CCL25: variants seen among roughly 807,000 people sequenced by gnomAD.
CCL25 encodes the protein C-C motif chemokine 25.
CCL25 carries 14 observed loss-of-function variants against 19.9 expected under a neutral mutation model. The observed-to-expected ratio is 0.70, with a 90% CI of 0.47 to 1.10. The LOEUF (loss-of-function observed/expected upper bound fraction) is 1.10, where lower values mean the gene tolerates loss of function less well. Ranked by LOEUF, CCL25 falls within the 50% of genes least tolerant of loss-of-function variation. CCL25 has a pLI of 0.00. For missense variants in CCL25, 151 were observed against 181.2 expected (o/e 0.83, Z 0.96); for synonymous variants, 68 against 73.2 (o/e 0.93, Z 0.36).
chr19:8,057,112 C>T (rs1383557101), intron 4 of CCL25, among the ~76,000 whole-genome samples: 1 of 151,282 alleles, frequency 6.6e-6, no homozygotes, highest in East Asian at 1.9e-4. Context: ...CCTCTGCCTC[C>T]TGAATTCAAG....
At chr19:8,059,176 A>T (rs1313432333) in intron 5 of CCL25, among the ~76,000 whole-genome samples, 1 of 117,452 alleles carries the variant, frequency 8.5e-6, no homozygotes, top group Admixed American at 1.2e-4. Flanking sequence ...TAATATATAT[A>T]ATATATAAAT....
At chr19:8,053,174 A>G (rs1342070057) in intron 2 of CCL25, 52 bp downstream of exon 2, 2 of 1,148,290 alleles carry the variant, frequency 1.7e-6, no homozygotes, top group Non-Finnish European at 2.4e-6. Context: ...CCATGCCCCC[A>G]CCCCACCCCT....
At chr19:8,052,629 C>T (rs1044816272), upstream of CCL25, 1 of 161,340 alleles carries the variant, frequency 6.2e-6, no homozygotes, top group Non-Finnish European at 1.3e-5. Context: ...GAGGTTGGAG[C>T]TTGCTGTAGA....
Position 8,062,280 on chromosome 19 carries a change from A to G in CCL25, c.*55A>G. 2 of 1,607,206 alleles carry G rather than the reference A, an allele frequency of 1.2e-6. No individual in the cohort carries two copies. The highest frequency in any genetic ancestry group is 1.1e-5 in the South Asian group (1 of 90,898). On this transcript the variant is annotated 3_prime_UTR_variant, in exon 6 of 6. Transcript: ENST00000315626. The stretch of plus-strand genomic sequence containing the variant: ...AGGAGGGGCCGGATCTTTCTCCGAT[A>G]AAACCGTCGCCCTACAGACCCAGCT...
rs1048714635 is a variant in CCL25 at position 8,059,067 on chromosome 19, TA to T, written c.445+1149del. ...CATATATGTAATATATAAATATATA[TA>T]ATATATAATATATATAATATATATA... On this transcript the variant is annotated intron_variant, in intron 5 of 5. Transcript: ENST00000315626. Among the ~76,000 whole-genome samples the T allele has an allele frequency of 9.3e-3, 465 of 49,948 alleles. 6 individuals are homozygous for T. The highest frequency in any genetic ancestry group is 0.024 in the African/African-American group (436 of 18,014). The allele number at this position is 49,948 out of a possible 152,430, so 32.8% of individuals were successfully genotyped here. A position where few individuals can be genotyped will look rare whatever the true frequency, so the allele number is the denominator to read the frequency against.
At chr19:8,056,302 G>GGGGGGGGGGGGGGGGGGGGCC in intron 3 of CCL25, 33 bp downstream of exon 3, 1 of 593,402 alleles carries the variant, frequency 1.7e-6, no homozygotes, top group East Asian at 4.5e-5. Flanking sequence ...GGGGGGTGGG[G>GGGGGGGGGGGGGGGGGGGGCC]TGCACACACA....
At chr19:8,056,531 G>T (rs764627965) in intron 4 of CCL25, 32 bp downstream of exon 4, 1 of 1,612,500 alleles carries the variant, frequency 6.2e-7, no homozygotes, top group South Asian at 1.1e-5. Flanking sequence ...CATCTAGGGG[G>T]CCTGCCCTCC....
intron 2 of CCL25, 33 bp from the exon 3 acceptor site, chr19:8,056,119 G>C: frequency 7.1e-7 from 1 of 1,409,254 alleles, no homozygotes. Context: ...AACATGCAAG[G>C]GTGCGAGTAT....
chr19:8,057,704 G>C, intron 4 of CCL25, 97 bp from the exon 5 acceptor site: 1 of 1,459,356 alleles, frequency 6.9e-7, no homozygotes, highest in Non-Finnish European at 9.1e-7. Flanking sequence ...AGACTCATTG[G>C]CTTAAATAAC....
chr19:8,053,950 A>G (rs1336355725), intron 2 of CCL25, among the ~76,000 whole-genome samples: 1 of 152,162 alleles, frequency 6.6e-6, no homozygotes, highest in Non-Finnish European at 1.5e-5. Flanking sequence ...TCATGCCTGC[A>G]AAAGACTAGG....
At chr19:8,059,463 T>C (rs2081303457) in intron 5 of CCL25, among the ~76,000 whole-genome samples, 1 of 151,706 alleles carries the variant, frequency 6.6e-6, no homozygotes, top group Non-Finnish European at 1.5e-5. Flanking sequence ...CCCCCCAAAG[T>C]GCTGGGATTG....
intron 5 of CCL25, 80 bp downstream of exon 5, chr19:8,058,000 G>C (rs1043919009): frequency 6.5e-7 from 1 of 1,543,998 alleles, no homozygotes; most frequent in African/African-American, 1.4e-5. Flanking sequence ...GCTCACACTG[G>C]GACAGGAGAT....
At chr19:8,057,308 C>A (rs2081279795) in intron 4 of CCL25, among the ~76,000 whole-genome samples, 1 of 151,274 alleles carries the variant, frequency 6.6e-6, no homozygotes, top group African/African-American at 2.4e-5. Flanking sequence ...GCATGAACCA[C>A]CATGCCTGGC....
intron 5 of CCL25, among the ~76,000 whole-genome samples, chr19:8,059,159 T>A (rs370498723): frequency 2.7e-4 from 9 of 32,758 alleles, no homozygotes; most frequent in African/African-American, 7.9e-4. Context: ...ATAATATATA[T>A]AATATATAAT....
At position 8,062,274 on chromosome 19, in the gene CCL25, T is replaced by C. The variant is rs2081323715; in HGVS notation, c.*49T>C. The C allele has an allele frequency of 6.2e-7, 1 of 1,610,422 alleles. No homozygotes were observed. Among genetic ancestry groups the C allele is most frequent in the African/African-American group, 1.3e-5 (1 of 74,808 alleles). Reference sequence around the variant, plus strand: ...CGGCACAGGAGGGGCCGGATCTTTCTCCGATAAAACCGTCGCCCTACAGAC... The same window carrying C: ...CGGCACAGGAGGGGCCGGATCTTTCCCCGATAAAACCGTCGCCCTACAGAC... On this transcript the variant is annotated 3_prime_UTR_variant, in exon 6 of 6. Coordinates refer to ENST00000315626, the MANE Select transcript of CCL25 (RefSeq NM_005624.4).
chr19:8,053,929 G>A (rs972517590), intron 2 of CCL25, among the ~76,000 whole-genome samples: 4 of 152,250 alleles, frequency 2.6e-5, no homozygotes, highest in Admixed American at 2.6e-4. Flanking sequence ...TGACTTGAGG[G>A]TCCAGTGAGC....
At position 8,056,497 on chromosome 19, in the gene CCL25, A is replaced by C. The variant is rs759732582; in HGVS notation, c.323A>C (p.Gln108Pro). The C allele has an allele frequency of 6.2e-7, 1 of 1,614,050 alleles. No individual in the cohort carries two copies. The highest frequency in any genetic ancestry group is 1.1e-5 in the South Asian group (1 of 91,086). Residue 108 changes from glutamine (Q) to proline (P), a missense_variant and splice_region_variant, in exon 4 of 6, where the codon CAA (glutamine) becomes CCA (proline). Coordinates refer to ENST00000315626, the MANE Select transcript of CCL25 (RefSeq NM_005624.4). The stretch of plus-strand genomic sequence containing the variant: ...CTCCACCACAACACGCAGACCTTCC[A>C]AGGTGGGCAAGACCTCTGCTGGGCA... Reference protein sequence around the residue: ...AKLHHNTQTFQAGPHAVKKLS... With the variant: ...AKLHHNTQTFPAGPHAVKKLS...
chr19:8,053,786 C>T (rs1320226679), intron 2 of CCL25, among the ~76,000 whole-genome samples: 1 of 151,876 alleles, frequency 6.6e-6, no homozygotes, highest in Admixed American at 6.6e-5. Flanking sequence ...TGATCTCAGG[C>T]GATCCGCCTG....
chr19:8,053,128 G>C lies in CCL25; in HGVS notation c.73+6G>C. 3 of 1,546,998 alleles carry C rather than the reference G, an allele frequency of 1.9e-6. No individual in the cohort carries two copies. Among genetic ancestry groups the C allele is most frequent in the Non-Finnish European group, 1.7e-6 (2 of 1,143,814 alleles). ...CCCCGCTGTCCACACCCAAGGTACTGTGTTCGGCAATGCCTACCACCAAGT... is the reference window on the plus strand; with the variant it reads ...CCCCGCTGTCCACACCCAAGGTACTCTGTTCGGCAATGCCTACCACCAAGT... On this transcript the variant is annotated splice_donor_region_variant and intron_variant, in intron 2 of 5. Transcript: ENST00000315626.
Sources: gnomAD v4.1 joint callset for allele counts (sites outside exome capture counted in the v4.1 genomes callset) on GRCh38, gnomAD v4.1.1 for gene constraint, MANE v1.5 for transcripts, NCBI Gene and HGNC (gene_info 2026-07-23, HGNC 2026-07-21) for gene names.